Variants in ATP2C2 observed in about 807,000 individuals in gnomAD.
The protein encoded by ATP2C2 is calcium-transporting ATPase type 2C member 2.
ATP2C2 carries 171 observed loss-of-function variants against 110.8 expected under a neutral mutation model. The observed-to-expected ratio is 1.54, with a 90% confidence interval of 1.36 to 1.75. The LOEUF is 1.75. ATP2C2 is among the 40% of genes most tolerant of loss of function. The pLI, the probability that ATP2C2 is intolerant of heterozygous loss-of-function variation, is 0.00. For missense variants in ATP2C2, 1,963 were observed against 1,235.0 expected (o/e 1.59, Z -8.84); for synonymous variants, 804 against 508.4 (o/e 1.58, Z -7.82).
At chr16:84,399,781 TTTGAG>T (rs1398310272) in intron 2 of ATP2C2, among the ~76,000 whole-genome samples, 5 of 152,192 alleles carry the variant, frequency 3.3e-5, no homozygotes, top group Non-Finnish European at 7.3e-5. Flanking sequence ...ACTTACACTC[TTTGAG>T]TTATTTTAAA....
At position 84,446,333 on chromosome 16, in the gene ATP2C2, A is replaced by G. The variant is rs1281666490; in HGVS notation, c.1406A>G (p.Asp469Gly). 17 of 1,568,984 alleles carry G rather than the reference A, an allele frequency of 1.1e-5. No homozygotes were observed. The highest frequency in any genetic ancestry group is 1.4e-5 in the African/African-American group (1 of 72,872). The change falls in exon 16 of 27, where the codon GAC becomes GGC. Residue 469 changes from aspartate to glycine, a missense_variant. Physicochemically the swap from Asp to Gly is moderately conservative, Grantham distance 94. Transcript: ENST00000262429. Reference protein sequence around the residue: ...GALMALAMKMDLSDIKNSYIR... With the variant: ...GALMALAMKMGLSDIKNSYIR... The stretch of plus-strand genomic sequence containing the variant: ...TGTGTCATTTTATTATGCTAGATGG[A>G]CTTAAGTGATATTAAAAATTCATAT...
chr16:84,374,557 A>G (rs1457739966), intron 1 of ATP2C2, among the ~76,000 whole-genome samples: 1 of 152,150 alleles, frequency 6.6e-6, no homozygotes, highest in African/African-American at 2.4e-5. Context: ...CAAATGTCAC[A>G]AGCTTTTTTT....
At chr16:84,463,551 C>G (rs1030458700) in intron 26 of ATP2C2, 63 bp from the exon 27 acceptor site, 4 of 1,419,606 alleles carry the variant, frequency 2.8e-6, no homozygotes, top group Non-Finnish European at 4.0e-6. Context: ...AGGGAAGGCG[C>G]TTCCTGCCGG....
At chr16:84,390,191 C>T (rs1904567113) in intron 1 of ATP2C2, among the ~76,000 whole-genome samples, 1 of 152,264 alleles carries the variant, frequency 6.6e-6, no homozygotes. Context: ...GGGTCTAACG[C>T]AGTCCAAGTT....
chr16:84,409,240 G>C (rs1014506400), intron 4 of ATP2C2, among the ~76,000 whole-genome samples: 1 of 152,172 alleles, frequency 6.6e-6, no homozygotes, highest in Non-Finnish European at 1.5e-5. Context: ...ATAGGTGGGA[G>C]TTGAACAATG....
At chr16:84,411,245 A>G (rs574648312) in intron 6 of ATP2C2, among the ~76,000 whole-genome samples, 1 of 152,144 alleles carries the variant, frequency 6.6e-6, no homozygotes, top group Non-Finnish European at 1.5e-5. Flanking sequence ...CAGCTGCAAC[A>G]GCCTCTTTCC....
At chr16:84,387,877 A>G (rs1904408923) in intron 1 of ATP2C2, among the ~76,000 whole-genome samples, 1 of 151,322 alleles carries the variant, frequency 6.6e-6, no homozygotes. Context: ...GCTTGAGCCC[A>G]GGAGTCCAAG....
chr16:84,455,909 TG>T (rs1244700445), intron 21 of ATP2C2, among the ~76,000 whole-genome samples: 3 of 131,656 alleles, frequency 2.3e-5, no homozygotes, highest in Non-Finnish European at 4.8e-5. Context: ...TCTTTGGCTC[TG>T]TTTATATGCT....
At chr16:84,400,075 T>C (rs1905224825) in intron 2 of ATP2C2, among the ~76,000 whole-genome samples, 1 of 152,160 alleles carries the variant, frequency 6.6e-6, no homozygotes, top group South Asian at 2.1e-4. Context: ...GTTCCATCCA[T>C]GTTGTTGCAA....
At position 84,408,465 on chromosome 16, in the gene ATP2C2, G is replaced by C; in HGVS notation, c.388G>C (p.Glu130Gln). 1 of 1,613,650 alleles carries C rather than the reference G, an allele frequency of 6.2e-7. No homozygotes were observed. The highest frequency in any genetic ancestry group is 8.5e-7 in the Non-Finnish European group (1 of 1,179,990). ...TGCCCTGGTGAGTGTCCTCACCAAG[G>C]AGTATGAGGACGCCGTCAGCATCGC... ...GSALVSVLTK[E>Q]YEDAVSIATA... The change falls in exon 4 of 27, where the codon GAG becomes CAG. Residue 130 changes from glutamate (E) to glutamine (Q), a missense_variant. Transcript: ENST00000262429.
chr16:84,412,319 TGTGTGC>T (rs999845587), intron 6 of ATP2C2, among the ~76,000 whole-genome samples: 120 of 107,486 alleles, frequency 1.1e-3, no homozygotes, highest in Non-Finnish European at 1.8e-3. Context: ...TCTGCACGTG[TGTGTGC>T]GTGTGTGTCT....
At chr16:84,452,215 T>G in intron 18 of ATP2C2, 124 bp downstream of exon 18, 1 of 1,188,118 alleles carries the variant, frequency 8.4e-7, no homozygotes, top group Non-Finnish European at 1.2e-6. Flanking sequence ...CCCTACAGGC[T>G]TAGAAAAGAC....
chr16:84,387,276 C>A (rs185479258), intron 1 of ATP2C2, among the ~76,000 whole-genome samples: 1 of 152,216 alleles, frequency 6.6e-6, no homozygotes, highest in East Asian at 1.9e-4. Flanking sequence ...AATCCCAGCG[C>A]GTTGGGAGGC....
At position 84,459,364 on chromosome 16, in the gene ATP2C2, A is replaced by C. The variant is rs1332551552; in HGVS notation, c.2311A>C (p.Met771Leu). Residue 771 changes from methionine to leucine, a missense_variant, in exon 23 of 27, where the codon ATG becomes CTG. Physicochemically the swap from Met to Leu is conservative, Grantham distance 15. Transcript: ENST00000262429. ...GCAGATCCTATGGATCAACATCATC[A>C]TGGATGGGCCACCGGCGCAGAGGTG... ...AMQILWINIIMDGPPAQSLGV... is the reference protein window; with the variant it reads ...AMQILWINIILDGPPAQSLGV... 2 of 1,614,144 alleles carry C rather than the reference A, an allele frequency of 1.2e-6. No homozygotes were observed. The highest frequency in any genetic ancestry group is 1.7e-6 in the Non-Finnish European group (2 of 1,179,998).
intron 24 of ATP2C2, 127 bp downstream of exon 24, chr16:84,460,928 T>A: frequency 7.5e-7 from 1 of 1,325,334 alleles, no homozygotes; most frequent in Non-Finnish European, 1.0e-6. Context: ...CACCGGACAA[T>A]GTGATGCCAT....
Position 84,460,785 on chromosome 16 carries a change from T to G in ATP2C2, c.2465T>G (p.Phe822Cys). 6.2e-7 allele frequency: 1 copy of G among 1,613,292 alleles called. No homozygotes were observed. The highest frequency in any genetic ancestry group is 8.5e-7 in the Non-Finnish European group (1 of 1,179,360). The change falls in exon 24 of 27, where the codon TTT becomes TGT. Residue 822 changes from phenylalanine to cysteine, a missense_variant. Coordinates refer to ENST00000262429, the MANE Select transcript of ATP2C2 (RefSeq NM_014861.4). ...GCCATCATCATCAGCGGGACCCTCTTTATCTTCTGGAAGGAGGTGAGCGAG... is the reference window on the plus strand; with the variant it reads ...GCCATCATCATCAGCGGGACCCTCTGTATCTTCTGGAAGGAGGTGAGCGAG... Reference protein sequence around the residue: ...SAAIIISGTLFIFWKEMPEDR... With the variant: ...SAAIIISGTLCIFWKEMPEDR...
At chr16:84,375,251 G>A (rs181578650) in intron 1 of ATP2C2, among the ~76,000 whole-genome samples, 93 of 152,286 alleles carry the variant, frequency 6.1e-4, no homozygotes, top group African/African-American at 2.1e-3. Context: ...CATGAAAAAC[G>A]TCAAACACGG....
At position 84,420,227 on chromosome 16, in the gene ATP2C2, C is replaced by G. The variant is rs144605268; in HGVS notation, c.625-2163C>G. Among the ~76,000 whole-genome samples the G allele has an allele frequency of 4.6e-3, 707 of 152,248 alleles. 4 individuals carry two copies. Among genetic ancestry groups the G allele is most frequent in the African/African-American group, 0.016 (679 of 41,548 alleles). On this transcript the variant is annotated intron_variant, in intron 7 of 26. Transcript: ENST00000262429. ...GCTTGTTTATCGTCATTTCCCCCAC[C>G]TCCTCCATGGAGTATCATCTTCCTG...
At position 84,368,570 on chromosome 16, in the gene ATP2C2, C is replaced by G; in HGVS notation, c.-46C>G. 1 of 1,449,114 alleles carries G rather than the reference C, an allele frequency of 6.9e-7. No individual in the cohort carries two copies. Among genetic ancestry groups the G allele is most frequent in the Non-Finnish European group, 9.4e-7 (1 of 1,067,220 alleles). The allele number at this position is 1,449,114 out of a possible 1,614,324, so 89.8% of individuals were successfully genotyped here. ...TTGGGCGCGCGCAGCCATCCCGGGC[C>G]TCGCCGGGGACCTAGGGACGCAGGC... On this transcript the variant is annotated 5_prime_UTR_variant, in exon 1 of 27. Coordinates refer to ENST00000262429, the MANE Select transcript of ATP2C2 (RefSeq NM_014861.4).
Sources: gnomAD v4.1 joint callset for allele counts (sites outside exome capture counted in the v4.1 genomes callset) on GRCh38, gnomAD v4.1.1 for gene constraint, MANE v1.5 for transcripts, NCBI Gene and HGNC (gene_info 2026-07-23, HGNC 2026-07-21) for gene names.